Variants in CLASP1 observed in about 807,000 individuals in gnomAD.
CLASP1 encodes CLIP-associating protein 1.
Under a neutral mutation model 192.3 loss-of-function variants are expected in CLASP1, and 38 were observed. The observed-to-expected ratio is 0.20, with a 90% confidence interval of 0.15 to 0.26. The LOEUF (loss-of-function observed/expected upper bound fraction) is 0.26, where lower values mean the gene tolerates loss of function less well. CLASP1 is among the 10% of genes least tolerant of loss of function. The pLI is 1.00. For synonymous variants in CLASP1, 691 were observed against 712.8 expected, an observed-to-expected ratio of 0.97 and a Z score of 0.49; for missense variants, 1,433 against 1,932.5, an observed-to-expected ratio of 0.74 and a Z score of 4.85.
At chr2:121,407,475 G>A (rs761195739) in exon 25 of CLASP1, 2 of 1,613,924 alleles carry the variant, frequency 1.2e-6, no homozygotes, top group Non-Finnish European at 1.7e-6. Flanking sequence ...CCTCACCTCA[G>A]TGTTCTTTGG....
At chr2:121,489,823 C>A (rs1390479184) in intron 8 of CLASP1, among the ~76,000 whole-genome samples, 1 of 152,220 alleles carries the variant, frequency 6.6e-6, no homozygotes, top group Non-Finnish European at 1.5e-5. Context: ...ACAGAAGCAG[C>A]ATCCTTGCAC....
chr2:121,388,003 C>T (rs1308779393), intron 30 of CLASP1, 97 bp from the exon 32 acceptor site: 4 of 944,222 alleles, frequency 4.2e-6, no homozygotes, highest in Non-Finnish European at 1.6e-6. Flanking sequence ...AGTAAAATCA[C>T]TAATAAGAGG....
At chr2:121,351,293 C>T (rs1443548644) in intron 37 of CLASP1, among the ~76,000 whole-genome samples, 2 of 152,216 alleles carry the variant, frequency 1.3e-5, no homozygotes, top group Non-Finnish European at 2.9e-5. Context: ...GACACTTTTC[C>T]CCCAACTTCT....
chr2:121,367,818 C>T, exon 35 of CLASP1: 1 of 1,613,350 alleles, frequency 6.2e-7, no homozygotes, highest in Non-Finnish European at 8.5e-7. Flanking sequence ...GGCAGCGCCC[C>T]CATCGCGGGA....
chr2:121,645,441 T>C (rs897839049), intron 1 of CLASP1, among the ~76,000 whole-genome samples: 16 of 152,232 alleles, frequency 1.1e-4, no homozygotes, highest in Admixed American at 9.2e-4. Context: ...GGAAGGATGC[T>C]GGACTACTGG....
chr2:121,635,217 A>AAAAAG (rs200721929), intron 1 of CLASP1, among the ~76,000 whole-genome samples: 47 of 150,498 alleles, frequency 3.1e-4, no homozygotes, highest in Non-Finnish European at 5.2e-4. Context: ...TGTAAAAAAA[A>AAAAAG]AAAAGAAAAG....
Position 121,556,789 on chromosome 2 carries a change from T to C in CLASP1, c.196-26464A>G, listed in dbSNP as rs2058606965. ...TCTTTCTGTTGGGTTCTAAATTAAG[T>C]TGAACAAGAATGAACAACTTCTGAC... On this transcript the variant is annotated intron_variant, in intron 2 of 39. Coordinates refer to ENST00000263710, the Ensembl canonical transcript of CLASP1. 3.3e-5 allele frequency among the ~76,000 whole-genome samples: 5 copies of C among 152,298 alleles called. No individual in the cohort carries two copies. The South Asian group carries it at 1.0e-3, about 32-fold the overall frequency.
At chr2:121,398,210 T>C (rs1574314395) in intron 29 of CLASP1, 112 bp downstream of exon 30, 1 of 760,178 alleles carries the variant, frequency 1.3e-6, no homozygotes, top group East Asian at 2.7e-5. Flanking sequence ...CAAACAAGAA[T>C]GCTCACAGCA....
intron 2 of CLASP1, among the ~76,000 whole-genome samples, chr2:121,544,775 C>T (rs1401140547): frequency 6.6e-6 from 1 of 151,890 alleles, no homozygotes. Flanking sequence ...AAGTGAAAAA[C>T]ATGGGATCCT....
intron 32 of CLASP1, among the ~76,000 whole-genome samples, chr2:121,385,306 TA>T (rs1256278654): frequency 1.8e-4 from 28 of 151,470 alleles, no homozygotes; most frequent in Admixed American, 1.7e-3. Flanking sequence ...GACGGCAAGT[TA>T]AAAAAAAATA....
intron 2 of CLASP1, among the ~76,000 whole-genome samples, chr2:121,553,200 G>A (rs1485358043): frequency 6.6e-6 from 1 of 152,090 alleles, no homozygotes; most frequent in Non-Finnish European, 1.5e-5. Flanking sequence ...GAGGGTGGAG[G>A]GTGGGAGGAG....
At chr2:121,566,381 A>AT (rs1292173573) in intron 2 of CLASP1, among the ~76,000 whole-genome samples, 2 of 152,198 alleles carry the variant, frequency 1.3e-5, no homozygotes, top group Non-Finnish European at 2.9e-5. Context: ...GCTGCACCAT[A>AT]TTTTGTGTTA....
At chr2:121,635,019 G>C (rs2070541376) in intron 1 of CLASP1, among the ~76,000 whole-genome samples, 1 of 151,952 alleles carries the variant, frequency 6.6e-6, no homozygotes, top group Non-Finnish European at 1.5e-5. Context: ...TTCCTACTAA[G>C]GGAGTTTAAA....
At chr2:121,459,054 G>T in intron 12 of CLASP1, 79 bp from the exon 13 acceptor site, 1 of 1,062,232 alleles carries the variant, frequency 9.4e-7, no homozygotes, top group Non-Finnish European at 1.3e-6. Flanking sequence ...AACATCTAGA[G>T]CCTTCATTTA....
At chr2:121,568,335 T>A (rs566918770) in intron 2 of CLASP1, among the ~76,000 whole-genome samples, 1 of 151,942 alleles carries the variant, frequency 6.6e-6, no homozygotes, top group African/African-American at 2.4e-5. Flanking sequence ...CAGAGAGGGG[T>A]GGTCAGTGGC....
chr2:121,549,706 C>CAAAAAAAAAAA (rs57551536), intron 2 of CLASP1, among the ~76,000 whole-genome samples: 13 of 70,610 alleles, frequency 1.8e-4, no homozygotes, highest in East Asian at 1.1e-3. Flanking sequence ...CAATCCTCTG[C>CAAAAAAAAAAA]AAAAAAAAAA....
At chr2:121,603,596 G>T (rs2064058341) in intron 2 of CLASP1, among the ~76,000 whole-genome samples, 1 of 152,274 alleles carries the variant, frequency 6.6e-6, no homozygotes, top group African/African-American at 2.4e-5. Flanking sequence ...CAAGTGAAAA[G>T]AAATCAGAAT....
intron 33 of CLASP1, among the ~76,000 whole-genome samples, chr2:121,378,428 G>A (rs910468358): frequency 6.6e-6 from 1 of 152,184 alleles, no homozygotes. Flanking sequence ...ATTGGGCACA[G>A]CAAAACATGA....
rs2064382045 is a variant in CLASP1, at chr2:121,606,163, A to C, written c.-268T>G. 2.1e-6 allele frequency: 1 copy of C among 481,428 alleles called. No individual in the cohort carries two copies. Among genetic ancestry groups the C allele is most frequent in the Non-Finnish European group, 3.7e-6 (1 of 273,322 alleles). 29.8% of individuals were successfully genotyped at this position (481,428 alleles called of 1,614,324 possible). A position where few individuals can be genotyped will look rare whatever the true frequency, so the allele number is the denominator to read the frequency against. On this transcript the variant is annotated 5_prime_UTR_variant, in exon 2 of 40. An upstream start codon of the reference 5' UTR is lost. Coordinates refer to ENST00000263710, the Ensembl canonical transcript of CLASP1. The stretch of plus-strand genomic sequence containing the variant: ...TCTACTACTGGGTCTGAAATACTTC[A>C]TAATTCAGCAGTCCATTCTGAAAAG...
Sources: gnomAD v4.1 joint callset for allele counts (sites outside exome capture counted in the v4.1 genomes callset) on GRCh38, gnomAD v4.1.1 for gene constraint, MANE v1.5 for transcripts, NCBI Gene and HGNC (gene_info 2026-07-23, HGNC 2026-07-21) for gene names.